Variants in INTS14 observed in about 807,000 individuals in gnomAD.
INTS14 encodes integrator complex subunit 14, also known as UPF0464 protein C15orf44.
A neutral mutation model predicts 56.9 loss-of-function variants in INTS14; 27 were observed. That is an observed-to-expected ratio of 0.47 (90% CI 0.35 to 0.65). The LOEUF is 0.65. Ranked by LOEUF, INTS14 falls within the 30% of genes least tolerant of loss-of-function variation. INTS14 has a pLI of 0.00. For missense variants in INTS14, 517 were observed against 632.2 expected (o/e 0.82, Z 1.95); for synonymous variants, 207 against 236.2 (o/e 0.88, Z 1.13).
chr15:65,596,197 G>A (rs1171990847), intron 6 of INTS14, among the ~76,000 whole-genome samples: 1 of 152,132 alleles, frequency 6.6e-6, no homozygotes, highest in Non-Finnish European at 1.5e-5. Flanking sequence ...AGCCTTTGAA[G>A]AATAAAGCTA....
chr15:65,590,912 G>C (rs767933720), intron 9 of INTS14, among the ~76,000 whole-genome samples: 1 of 152,164 alleles, frequency 6.6e-6, no homozygotes, highest in Admixed American at 6.5e-5. Flanking sequence ...AATAGTTTGA[G>C]GAGAAAGGGG....
chr15:65,602,217 C>A (rs935033586), intron 3 of INTS14, among the ~76,000 whole-genome samples: 11 of 151,296 alleles, frequency 7.3e-5, no homozygotes, highest in African/African-American at 1.9e-4. Context: ...CAAGCCTGGG[C>A]GACAGAGCAA....
intron 7 of INTS14, 59 bp downstream of exon 7, chr15:65,595,674 T>C (rs2073185261): frequency 7.2e-6 from 10 of 1,381,092 alleles, no homozygotes; most frequent in Non-Finnish European, 1.0e-5. Context: ...CTATCTAAGA[T>C]TTAAGAACAA....
chr15:65,591,793 AG>A (rs1402166110), intron 8 of INTS14, 62 bp from the exon 9 acceptor site: 12 of 1,561,944 alleles, frequency 7.7e-6, no homozygotes, highest in Admixed American at 3.8e-5. Context: ...AAGTTAAATA[AG>A]TCTAGCCTGT....
At chr15:65,584,990 C>T in intron 9 of INTS14, 102 bp from the exon 10 acceptor site, 1 of 946,458 alleles carries the variant, frequency 1.1e-6, no homozygotes, top group South Asian at 2.0e-5. Context: ...CTTTGATATC[C>T]TATCACTTTG....
Position 65,599,778 on chromosome 15 carries a change from T to G in INTS14, c.482A>C (p.Glu161Ala). Residue 161 changes from glutamate to alanine, a missense_variant, in exon 4 of 12, where the codon GAG becomes GCG. Coordinates refer to ENST00000313182, the MANE Select transcript of INTS14 (RefSeq NM_001394796.1). ...KLYIMCMANL[E>A]ELQSTDSLEC... ...AAACTTAGCAAAAGGTATTACCTCC[T>G]CCAAATTCGCCATGCACATGATATA... The G allele has an allele frequency of 6.2e-7, 1 of 1,613,436 alleles. No homozygotes were observed. Among genetic ancestry groups the G allele is most frequent in the East Asian group, 2.2e-5 (1 of 44,874 alleles).
At chr15:65,591,800 C>A (rs1403485381) in intron 8 of INTS14, 69 bp from the exon 9 acceptor site, 2 of 1,540,404 alleles carry the variant, frequency 1.3e-6, no homozygotes, top group Admixed American at 2.0e-5. Context: ...ATAAGTCTAG[C>A]CTGTATTTTT....
intron 7 of INTS14, among the ~76,000 whole-genome samples, chr15:65,594,931 T>A (rs975011221): frequency 6.6e-6 from 1 of 152,178 alleles, no homozygotes; most frequent in African/African-American, 2.4e-5. Context: ...GAATATCCAA[T>A]ACTCCAACTG....
rs545185861 is a variant in INTS14 at position 65,588,431 on chromosome 15, G to A, written c.1120+3167C>T. Among the ~76,000 whole-genome samples the A allele has an allele frequency of 7.3e-5, 11 of 151,294 alleles. No individual in the cohort carries two copies. In the South Asian group the frequency reaches 1.1e-3, roughly 14 times the overall value. On this transcript the variant is annotated intron_variant, in intron 9 of 11. Coordinates refer to ENST00000313182, the MANE Select transcript of INTS14 (RefSeq NM_001394796.1). ...TGTAATCCCAGCACTTTGGGAGGCC[G>A]AGGCAGGAGGATTACTTGAGGTCAG... is the stretch of plus-strand genomic sequence containing the variant.
rs2073038607 is a variant in INTS14, at chr15:65,591,707, G to A, written c.1011C>T (p.Tyr337=). The A allele has an allele frequency of 6.2e-7, 1 of 1,614,036 alleles. No homozygotes were observed. Residue 337 remains tyrosine (Y), a synonymous_variant, in exon 9 of 12, where the codon TAC becomes TAT. Transcript: ENST00000313182. ...QLGPEWHGML[Y]SQADSKKKSN... is the part of the protein sequence containing the mutation. ...ATTTCTTCTTGCTGTCAGCTTGGGA[G>A]TAGAGCATTCCATGCCATTCAGGAC...
rs549245740 is a variant in INTS14, at chr15:65,593,526, T to G, written c.888A>C (p.Glu296Asp). The stretch of plus-strand genomic sequence containing the variant: ...TGCCTGCAATCTGATTGGCTGAATT[T>G]TCATCTTCATTGTCATCAGTGATGC... ...GTGITDDNED[E>D]NSANQIAGKI... Residue 296 changes from glutamate (E) to aspartate (D), a missense_variant, in exon 8 of 12, where the codon GAA becomes GAC. Physicochemically the swap from Glu to Asp is conservative, Grantham distance 45. Coordinates refer to ENST00000313182, the MANE Select transcript of INTS14 (RefSeq NM_001394796.1). 54 of 1,614,008 alleles carry G rather than the reference T, an allele frequency of 3.3e-5. 2 individuals carry two copies. In the South Asian group the frequency reaches 5.8e-4, roughly 17 times the overall value.
In INTS14 at chr15:65,593,434, T is replaced by C. The variant is rs1205315593; in HGVS notation, c.980A>G (p.Gln327Arg). ...LKVEGMVAIV[Q>R]LGPEWHGMLY... ...TGTAAACAAAGTTTCCTACCCTAATTGAACAATCGCTACCATTCCTTCCAC... is the reference window on the plus strand; with the variant it reads ...TGTAAACAAAGTTTCCTACCCTAATCGAACAATCGCTACCATTCCTTCCAC... Residue 327 changes from glutamine (Q) to arginine (R), a missense_variant, in exon 8 of 12, where the codon CAA becomes CGA. Gln to Arg is a conservative substitution (Grantham distance 43, BLOSUM62 1). Coordinates refer to ENST00000313182, the MANE Select transcript of INTS14 (RefSeq NM_001394796.1). 6.2e-7 allele frequency: 1 copy of C among 1,610,026 alleles called. No individual in the cohort carries two copies. Among genetic ancestry groups the C allele is most frequent in the South Asian group, 1.1e-5 (1 of 89,796 alleles).
intron 9 of INTS14, among the ~76,000 whole-genome samples, chr15:65,589,706 T>TC (rs1421568718): frequency 6.6e-6 from 1 of 152,206 alleles, no homozygotes; most frequent in African/African-American, 2.4e-5. Context: ...TCATTTTTTT[T>TC]CAGCTTCCAT....
intron 7 of INTS14, 146 bp from the exon 8 acceptor site, chr15:65,593,718 G>T: frequency 2.1e-6 from 2 of 958,670 alleles, no homozygotes; most frequent in Non-Finnish European, 2.8e-6. Flanking sequence ...ACTCATTCCA[G>T]TTTTCCAATA....
At chr15:65,607,564 A>G in intron 1 of INTS14, 122 bp from the exon 2 acceptor site, 1 of 1,135,854 alleles carries the variant, frequency 8.8e-7, no homozygotes, top group Non-Finnish European at 1.2e-6. Context: ...GTGAGGAATA[A>G]TCTGTAGAGA....
At chr15:65,589,412 C>A (rs762052404) in intron 9 of INTS14, among the ~76,000 whole-genome samples, 1 of 152,226 alleles carries the variant, frequency 6.6e-6, no homozygotes, top group Non-Finnish European at 1.5e-5. Context: ...CCTGCCCTGG[C>A]CTCCCAAAGT....
In INTS14 at chr15:65,593,096, T is replaced by TA. The variant is rs765099877; in HGVS notation, c.986+331dup. On this transcript the variant is annotated intron_variant, in intron 8 of 11. Coordinates refer to ENST00000313182, the MANE Select transcript of INTS14 (RefSeq NM_001394796.1). ...ACAGTGAGACCCCACTTCTATAAAT[T>TA]AAAAAAAAAAAAAAAAAATTAGCCA... 4.2e-3 allele frequency among the ~76,000 whole-genome samples: 576 copies of TA among 136,064 alleles called. 2 individuals carry two copies. The highest frequency in any genetic ancestry group is 0.014 in the African/African-American group (510 of 37,038). 89.3% of individuals were successfully genotyped at this position (136,064 alleles called of 152,430 possible).
At position 65,593,430 on chromosome 15, in the gene INTS14, T is replaced by G. The variant is rs771697108; in HGVS notation, c.984A>C (p.Leu328Phe). Residue 328 changes from leucine to phenylalanine, a missense_variant and splice_region_variant, in exon 8 of 12, where the codon TTA (leucine) becomes TTC (phenylalanine). Transcript: ENST00000313182. ...CAAATGTAAACAAAGTTTCCTACCCTAATTGAACAATCGCTACCATTCCTT... is the reference window on the plus strand; with the variant it reads ...CAAATGTAAACAAAGTTTCCTACCCGAATTGAACAATCGCTACCATTCCTT... ...KVEGMVAIVQ[L>F]GPEWHGMLYS... is the part of the protein sequence containing the mutation. 1 of 1,610,356 alleles carries G rather than the reference T, an allele frequency of 6.2e-7. No homozygotes were observed. Among genetic ancestry groups the G allele is most frequent in the Non-Finnish European group, 8.5e-7 (1 of 1,178,518 alleles).
chr15:65,593,561 C>T lies in INTS14; in HGVS notation c.853G>A (p.Val285Met), dbSNP rs757355157. 13 of 1,608,684 alleles carry T rather than the reference C, an allele frequency of 8.1e-6. No homozygotes were observed. The Admixed American group carries it at 1.2e-4, about 15-fold the overall frequency. ...TTGTCATCAGTGATGCCAGTACCCA[C>T]CTCATCACCTTCTGTGAAAAAAAGA... ...PIALNKEGDE[V>M]GTGITDDNED... The change falls in exon 8 of 12, where the codon GTG (valine) becomes ATG (methionine). Residue 285 changes from valine to methionine, a missense_variant. Physicochemically the swap from Val to Met is conservative, Grantham distance 21. Coordinates refer to ENST00000313182, the MANE Select transcript of INTS14 (RefSeq NM_001394796.1).
Sources: gnomAD v4.1 joint callset for allele counts (sites outside exome capture counted in the v4.1 genomes callset) on GRCh38, gnomAD v4.1.1 for gene constraint, MANE v1.5 for transcripts, NCBI Gene and HGNC (gene_info 2026-07-23, HGNC 2026-07-21) for gene names.